Variants in ZMYM4 observed in about 807,000 individuals in gnomAD.
ZMYM4 encodes the protein zinc finger MYM-type containing 4.
In ZMYM4, 31 loss-of-function variants were observed where a neutral mutation model predicts 183.2. The ratio of observed to expected loss-of-function variants is 0.17; its 90% CI spans 0.13 to 0.23. The LOEUF is 0.23. Ranked by LOEUF, ZMYM4 falls within the 10% of genes least tolerant of loss-of-function variation. The probability of loss-of-function intolerance (pLI) is 1.00; values close to 1 mark genes in which losing one functional copy is unlikely to be tolerated. For missense variants in ZMYM4, 1,273 were observed against 1,840.3 expected, an observed-to-expected ratio of 0.69 and a Z score of 5.64; for synonymous variants, 592 against 631.2, an observed-to-expected ratio of 0.94 and a Z score of 0.93.
intron 2 of ZMYM4, among the ~76,000 whole-genome samples, chr1:35,338,959 A>G (rs1003453028): frequency 2.6e-5 from 4 of 152,192 alleles, no homozygotes; most frequent in African/African-American, 9.7e-5. Flanking sequence ...ATGTAGTTGA[A>G]CGATAATAAA....
At chr1:35,351,870 C>CT (rs1197130969) in intron 2 of ZMYM4, among the ~76,000 whole-genome samples, 1 of 152,142 alleles carries the variant, frequency 6.6e-6, no homozygotes, top group Non-Finnish European at 1.5e-5. Context: ...TGGCGGTTGA[C>CT]TTTACCTCGA....
rs12133678 is a variant in ZMYM4 at position 35,405,769 on chromosome 1, G to T, written c.3796+301G>T. On this transcript the variant is annotated intron_variant, in intron 25 of 29. Coordinates refer to ENST00000314607, the MANE Select transcript of ZMYM4 (RefSeq NM_005095.3). Reference sequence around the variant, plus strand: ...CCATGTGGAGCCCAGTTTTTTTTTTGTTTTTTTTTTTAAGAAAAATACCTG... The same window carrying T: ...CCATGTGGAGCCCAGTTTTTTTTTTTTTTTTTTTTTTAAGAAAAATACCTG... 6.9e-3 allele frequency among the ~76,000 whole-genome samples: 983 copies of T among 142,404 alleles called. 6 individuals are homozygous for T. Among genetic ancestry groups the T allele is most frequent in the Middle Eastern group, 0.015 (4 of 270 alleles). The allele number at this position is 142,404 out of a possible 152,430, so 93.4% of individuals were successfully genotyped here.
intron 2 of ZMYM4, among the ~76,000 whole-genome samples, chr1:35,354,372 A>G (rs1336546326): frequency 6.6e-6 from 1 of 152,200 alleles, no homozygotes; most frequent in African/African-American, 2.4e-5. Context: ...TTTTTCTGCT[A>G]TAAATATTCT....
intron 1 of ZMYM4, among the ~76,000 whole-genome samples, chr1:35,273,540 A>G (rs1005613085): frequency 2.0e-5 from 3 of 152,212 alleles, no homozygotes; most frequent in African/African-American, 7.2e-5. Context: ...AAATGTAAAT[A>G]TTACCCGGTC....
At chr1:35,355,727 A>G (rs949816019) in intron 2 of ZMYM4, among the ~76,000 whole-genome samples, 4 of 152,072 alleles carry the variant, frequency 2.6e-5, no homozygotes, top group Non-Finnish European at 5.9e-5. Flanking sequence ...ATTATTAGAA[A>G]GGCTTGTCTC....
chr1:35,298,162 G>A (rs1011819283), intron 1 of ZMYM4, among the ~76,000 whole-genome samples: 4 of 152,170 alleles, frequency 2.6e-5, no homozygotes, highest in Admixed American at 6.5e-5. Context: ...ATCTGAGGTG[G>A]GGCAGGCTTT....
intron 26 of ZMYM4, among the ~76,000 whole-genome samples, chr1:35,411,130 G>A (rs1428640091): frequency 1.3e-5 from 2 of 150,908 alleles, no homozygotes; most frequent in Non-Finnish European, 3.0e-5. Context: ...AAAATCTTTT[G>A]ACCAAATATA....
At chr1:35,300,667 A>G (rs1641238803) in intron 1 of ZMYM4, among the ~76,000 whole-genome samples, 1 of 151,954 alleles carries the variant, frequency 6.6e-6, no homozygotes, top group African/African-American at 2.4e-5. Context: ...CGCAGTGTAT[A>G]ATTTTCTGTT....
intron 7 of ZMYM4, among the ~76,000 whole-genome samples, chr1:35,377,413 A>G (rs781248763): frequency 1.3e-5 from 2 of 152,224 alleles, no homozygotes; most frequent in Non-Finnish European, 2.9e-5. Flanking sequence ...ATAGTAAAAT[A>G]TTAGGTGCTC....
chr1:35,357,511 C>T (rs1324570375), intron 2 of ZMYM4, among the ~76,000 whole-genome samples: 1 of 152,044 alleles, frequency 6.6e-6, no homozygotes, highest in Admixed American at 6.6e-5. Flanking sequence ...ATTAGTATAC[C>T]TTTGAAGGTA....
intron 7 of ZMYM4, among the ~76,000 whole-genome samples, chr1:35,372,008 ACTAT>A (rs1553175581): frequency 6.6e-6 from 1 of 152,064 alleles, no homozygotes; most frequent in Non-Finnish European, 1.5e-5. Flanking sequence ...TTGTTTTGGG[ACTAT>A]CTTTCAAGCT....
At chr1:35,351,213 G>A (rs1643593832) in intron 2 of ZMYM4, 3 of 1,423,992 alleles carry the variant, frequency 2.1e-6, no homozygotes, top group Non-Finnish European at 3.0e-6. Context: ...CCTGAAGGGC[G>A]CTGTGGATGG....
chr1:35,350,642 A>C (rs750424371), intron 2 of ZMYM4: 3 of 207,336 alleles, frequency 1.4e-5, no homozygotes, highest in Non-Finnish European at 3.0e-5. Flanking sequence ...TTAAAAACAA[A>C]AATGTGCCCT....
intron 1 of ZMYM4, among the ~76,000 whole-genome samples, chr1:35,321,163 C>T (rs189086634): frequency 1.3e-5 from 2 of 152,158 alleles, no homozygotes; most frequent in African/African-American, 4.8e-5. Flanking sequence ...TTCTTTATAG[C>T]ATTCCCAACT....
intron 5 of ZMYM4, among the ~76,000 whole-genome samples, chr1:35,368,155 A>G (rs540647572): frequency 7.0e-6 from 1 of 143,170 alleles, no homozygotes; most frequent in African/African-American, 2.6e-5. Flanking sequence ...TTTACATATT[A>G]TGTGGGTGCT....
intron 9 of ZMYM4, among the ~76,000 whole-genome samples, chr1:35,382,221 T>C (rs1644476547): frequency 6.7e-6 from 1 of 150,092 alleles, no homozygotes; most frequent in African/African-American, 2.5e-5. Context: ...CACGTATATA[T>C]ACGTATATAT....
chr1:35,405,308 T>C, intron 24 of ZMYM4, 65 bp from the exon 25 acceptor site: 1 of 1,579,180 alleles, frequency 6.3e-7, no homozygotes, highest in Non-Finnish European at 8.6e-7. Context: ...GGTTTGGGCT[T>C]TACTTAATTT....
intron 1 of ZMYM4, among the ~76,000 whole-genome samples, chr1:35,270,446 C>T (rs1639538581): frequency 6.6e-6 from 1 of 152,142 alleles, no homozygotes; most frequent in African/African-American, 2.4e-5. Context: ...TACACCCAAC[C>T]GCCTAGATCC....
intron 2 of ZMYM4, among the ~76,000 whole-genome samples, chr1:35,337,523 T>C (rs1057017976): frequency 1.8e-4 from 27 of 152,190 alleles, no homozygotes; most frequent in Admixed American, 4.6e-4. Flanking sequence ...ATGTGTTTCT[T>C]ATGGTAGGTC....
Sources: gnomAD v4.1 joint callset for allele counts (sites outside exome capture counted in the v4.1 genomes callset) on GRCh38, gnomAD v4.1.1 for gene constraint, MANE v1.5 for transcripts, NCBI Gene and HGNC (gene_info 2026-07-23, HGNC 2026-07-21) for gene names.